DLG2: variants seen among roughly 807,000 people sequenced by gnomAD.
The protein encoded by DLG2 is discs large MAGUK scaffold protein 2, also known as disks large homolog 2.
DLG2 carries 45 observed loss-of-function variants against 132.5 expected under a neutral mutation model. That is an observed-to-expected ratio of 0.34 (90% CI 0.27 to 0.44). The LOEUF (loss-of-function observed/expected upper bound fraction) is 0.44. Among genes scored for constraint, DLG2 ranks in the 20% least tolerant of loss-of-function variants. The pLI is 1.00. For missense variants in DLG2, 1,045 were observed against 1,196.9 expected, an observed-to-expected ratio of 0.87 and a Z score of 1.87; for synonymous variants, 424 against 419.6, an observed-to-expected ratio of 1.01 and a Z score of -0.13.
chr11:84,170,208 C>A (rs2154268649), intron 8 of DLG2, among the ~76,000 whole-genome samples: 1 of 152,320 alleles, frequency 6.6e-6, no homozygotes, highest in East Asian at 1.9e-4. Context: ...CAGCCCCTAA[C>A]AACAGCTGCC....
chr11:84,816,683 G>A lies in DLG2; in HGVS notation c.358-281952C>T, dbSNP rs1405985619. On this transcript the variant is annotated intron_variant, in intron 6 of 27. Transcript: ENST00000376104. ...AAGGAAACAGAGTTCAGTGAAGTGA[G>A]GTATCTTGCTCAAGATCACATTGCT... 2.0e-5 allele frequency among the ~76,000 whole-genome samples: 3 copies of A among 151,610 alleles called. No individual in the cohort carries two copies. In the East Asian group the frequency reaches 5.9e-4, roughly 30 times the overall value.
intron 18 of DLG2, among the ~76,000 whole-genome samples, chr11:83,760,570 G>T (rs952873961): frequency 6.6e-6 from 1 of 151,604 alleles, no homozygotes; most frequent in African/African-American, 2.4e-5. Flanking sequence ...TGACCAGGCT[G>T]GTCTCAAACT....
chr11:84,418,142 G>T (rs1257134575), intron 7 of DLG2, among the ~76,000 whole-genome samples: 1 of 152,162 alleles, frequency 6.6e-6, no homozygotes, highest in Non-Finnish European at 1.5e-5. Context: ...AAAGGAGTTT[G>T]CATATGGTGC....
Position 83,949,429 on chromosome 11 carries a change from A to G in DLG2, c.1340+13456T>C, listed in dbSNP as rs1232724984. On this transcript the variant is annotated intron_variant, in intron 14 of 27. Coordinates refer to ENST00000376104, the MANE Select transcript of DLG2 (RefSeq NM_001142699.3). ...ATAAAAAATAAGAATTGTTGCTCCTATGAGGATGGGGAAGGAGGAAGCAAT... is the reference window on the plus strand; with the variant it reads ...ATAAAAAATAAGAATTGTTGCTCCTGTGAGGATGGGGAAGGAGGAAGCAAT... 9.0e-5 allele frequency among the ~76,000 whole-genome samples: 13 copies of G among 144,116 alleles called. No individual in the cohort carries two copies. The Admixed American group carries it at 9.4e-4, about 10-fold the overall frequency. 94.5% of individuals were successfully genotyped at this position (144,116 alleles called of 152,430 possible).
intron 17 of DLG2, chr11:83,790,067 CACAGGTACTGCAACG>C (rs1464632291): frequency 8.5e-7 from 1 of 1,182,864 alleles, no homozygotes; most frequent in Non-Finnish European, 1.2e-6. Context: ...AACAAAATGA[CACAGGTACTGCAACG>C]AGTGTACCTG....
chr11:83,503,420 TATAG>T (rs1240156958), intron 21 of DLG2, among the ~76,000 whole-genome samples: 36 of 78,372 alleles, frequency 4.6e-4, no homozygotes, highest in Middle Eastern at 8.8e-3. Flanking sequence ...TATATATATA[TATAG>T]ATAGATCTAA....
At chr11:85,072,489 A>G (rs1244804467) in intron 6 of DLG2, among the ~76,000 whole-genome samples, 1 of 151,840 alleles carries the variant, frequency 6.6e-6, no homozygotes, top group Non-Finnish European at 1.5e-5. Flanking sequence ...GAGAAACACT[A>G]TCTTTTGGTT....
At chr11:84,415,392 T>C (rs1052163273) in intron 7 of DLG2, among the ~76,000 whole-genome samples, 1 of 152,164 alleles carries the variant, frequency 6.6e-6, no homozygotes, top group African/African-American at 2.4e-5. Context: ...TCATATTGAG[T>C]GAACCATTAT....
At chr11:83,702,309 C>T (rs528567095) in intron 18 of DLG2, among the ~76,000 whole-genome samples, 3 of 152,286 alleles carry the variant, frequency 2.0e-5, no homozygotes, top group African/African-American at 7.2e-5. Context: ...ACATCTTCTT[C>T]TACTTAACAA....
At chr11:83,671,100 A>G (rs1049506641) in intron 18 of DLG2, among the ~76,000 whole-genome samples, 4 of 152,222 alleles carry the variant, frequency 2.6e-5, no homozygotes, top group African/African-American at 9.6e-5. Flanking sequence ...GTTTTCCTTT[A>G]TATCTTCCTT....
chr11:84,692,396 G>A (rs977893835), intron 6 of DLG2, among the ~76,000 whole-genome samples: 1 of 151,432 alleles, frequency 6.6e-6, no homozygotes, highest in Admixed American at 6.6e-5. Flanking sequence ...ACCCTCTGAG[G>A]AGCTAGAAAT....
intron 3 of DLG2, among the ~76,000 whole-genome samples, chr11:85,464,084 T>A (rs981625589): frequency 6.6e-6 from 1 of 150,804 alleles, no homozygotes; most frequent in Non-Finnish European, 1.5e-5. Flanking sequence ...TACAAGGTGC[T>A]ATATCATTTG....
At chr11:84,399,505 A>C (rs2154445974) in intron 7 of DLG2, among the ~76,000 whole-genome samples, 1 of 152,234 alleles carries the variant, frequency 6.6e-6, no homozygotes, top group South Asian at 2.1e-4. Context: ...GGCTCACTGC[A>C]ACCTCTGCCT....
At chr11:84,077,491 C>G (rs1225382175) in intron 10 of DLG2, among the ~76,000 whole-genome samples, 1 of 152,114 alleles carries the variant, frequency 6.6e-6, no homozygotes, top group Non-Finnish European at 1.5e-5. Context: ...TTTTGTACAT[C>G]TCTATTTTAA....
intron 7 of DLG2, among the ~76,000 whole-genome samples, chr11:84,260,297 T>TA (rs1397564017): frequency 6.6e-6 from 1 of 152,174 alleles, no homozygotes; most frequent in African/African-American, 2.4e-5. Flanking sequence ...CTTCACTTTA[T>TA]AAGTTTTTTC....
At chr11:83,761,525 G>A (rs1593857426) in intron 18 of DLG2, among the ~76,000 whole-genome samples, 3 of 152,196 alleles carry the variant, frequency 2.0e-5, no homozygotes, top group Admixed American at 1.3e-4. Context: ...CTTCTCTGAA[G>A]CTTTGTTCCT....
At chr11:83,941,149 T>A (rs1301780389) in intron 14 of DLG2, among the ~76,000 whole-genome samples, 1 of 152,192 alleles carries the variant, frequency 6.6e-6, no homozygotes, top group Non-Finnish European at 1.5e-5. Flanking sequence ...TATAAATACG[T>A]GACTATTACA....
At chr11:84,392,396 C>G (rs958225452) in intron 7 of DLG2, among the ~76,000 whole-genome samples, 1 of 152,168 alleles carries the variant, frequency 6.6e-6, no homozygotes, top group Non-Finnish European at 1.5e-5. Context: ...GCATTAAATA[C>G]TAGAACCCCT....
intron 4 of DLG2, among the ~76,000 whole-genome samples, chr11:85,203,386 A>G (rs2081611097): frequency 6.6e-6 from 1 of 152,054 alleles, no homozygotes; most frequent in Non-Finnish European, 1.5e-5. Flanking sequence ...AACTGATACC[A>G]CAGAAATACA....
Sources: gnomAD v4.1 joint callset for allele counts (sites outside exome capture counted in the v4.1 genomes callset) on GRCh38, gnomAD v4.1.1 for gene constraint, MANE v1.5 for transcripts, NCBI Gene and HGNC (gene_info 2026-07-23, HGNC 2026-07-21) for gene names.